Variants in CD36 observed in about 807,000 individuals in gnomAD.
CD36 encodes CD36 molecule (CD36 blood group).
Under a neutral mutation model 55.2 loss-of-function variants are expected in CD36, and 119 were observed. The observed-to-expected ratio is 2.15, with a 90% CI of 1.86 to 2.51. CD36 has a LOEUF of 2.51. Among genes scored for constraint, CD36 ranks in the 30% most tolerant of loss-of-function variants. The pLI is 0.00. For synonymous variants in CD36, 186 were observed against 193.6 expected (o/e 0.96, Z 0.33); for missense variants, 819 against 555.5 (o/e 1.47, Z -4.77).
At chr7:80,607,643 T>A (rs1792635007) in intron 1 of CD36, among the ~76,000 whole-genome samples, 1 of 152,164 alleles carries the variant, frequency 6.6e-6, no homozygotes, top group South Asian at 2.1e-4. Flanking sequence ...TCACCTGTAA[T>A]CTGAATGTTG....
chr7:80,647,430 T>C (rs911343865), intron 3 of CD36, among the ~76,000 whole-genome samples: 2 of 152,188 alleles, frequency 1.3e-5, no homozygotes, highest in African/African-American at 4.8e-5. Context: ...CATATTGGAA[T>C]CTTAGAAAAT....
intron 4 of CD36, among the ~76,000 whole-genome samples, chr7:80,659,488 A>T (rs1440871737): frequency 6.6e-6 from 1 of 152,178 alleles, no homozygotes; most frequent in East Asian, 1.9e-4. Flanking sequence ...AAAGAATATA[A>T]AAAGTAATCT....
chr7:80,664,082 T>C (rs1796788101), intron 6 of CD36, among the ~76,000 whole-genome samples: 1 of 152,090 alleles, frequency 6.6e-6, no homozygotes, highest in African/African-American at 2.4e-5. Flanking sequence ...TAGAAATCAT[T>C]GTTCTTATAG....
Position 80,661,277 on chromosome 7 carries a change from A to C in CD36, c.429+67A>C, listed in dbSNP as rs1002967684. 48 of 1,384,040 alleles carry C rather than the reference A, an allele frequency of 3.5e-5. No individual in the cohort carries two copies. In the Middle Eastern group the frequency reaches 5.4e-4, roughly 15 times the overall value. The allele number at this position is 1,384,040 out of a possible 1,614,324, so 85.7% of individuals were successfully genotyped here. ...TAGAACTCATGTAATTAATCCTATC[A>C]TTAGAATTATTAGGTTTTACTTGTT... is the stretch of plus-strand genomic sequence containing the variant. On this transcript the variant is annotated intron_variant, in intron 5 of 14. Transcript: ENST00000447544.
chr7:80,623,267 C>T (rs1239381707), intron 1 of CD36, among the ~76,000 whole-genome samples: 3 of 152,056 alleles, frequency 2.0e-5, no homozygotes, highest in Non-Finnish European at 2.9e-5. Context: ...ATACCAAACT[C>T]TCATATATAC....
rs1399929073 is a variant in CD36, at chr7:80,676,932, TATTC to T, written c.*553_*556del. The T allele has an allele frequency of 6.6e-6, 1 of 152,122 alleles. No homozygotes were observed. Among genetic ancestry groups the T allele is most frequent in the African/African-American group, 2.4e-5 (1 of 41,430 alleles). The allele number at this position is 152,122 out of a possible 1,614,324, so 9.4% of individuals were successfully genotyped here. A position where few individuals can be genotyped will look rare whatever the true frequency, so the allele number is the denominator to read the frequency against. Reference sequence around the variant, plus strand: ...TTACAAAGCGTAGACTATGCATTGTTATTCATTATAATATTTTTTGCTGTCATAA... The same window carrying T: ...TTACAAAGCGTAGACTATGCATTGTTATTATAATATTTTTTGCTGTCATAA... On this transcript the variant is annotated 3_prime_UTR_variant, in exon 15 of 15. Coordinates refer to ENST00000447544, the MANE Select transcript of CD36 (RefSeq NM_001001548.3).
At chr7:80,627,589 A>T (rs1323435649) in intron 1 of CD36, among the ~76,000 whole-genome samples, 1 of 151,974 alleles carries the variant, frequency 6.6e-6, no homozygotes, top group Non-Finnish European at 1.5e-5. Context: ...GCCTTTAAGG[A>T]GATAGTAGAT....
upstream of CD36, among the ~76,000 whole-genome samples, chr7:80,637,765 C>T (rs772420928): frequency 3.9e-5 from 6 of 152,026 alleles, no homozygotes; most frequent in Non-Finnish European, 5.9e-5. Flanking sequence ...ATCCAGCTCT[C>T]CTATCAAATA....
chr7:80,627,534 A>G (rs1024017664), intron 1 of CD36, among the ~76,000 whole-genome samples: 1 of 151,988 alleles, frequency 6.6e-6, no homozygotes, highest in African/African-American at 2.4e-5. Flanking sequence ...AGAACACTAA[A>G]CAACCCAAAG....
At chr7:80,610,033 G>A (rs1360731176) in intron 1 of CD36, among the ~76,000 whole-genome samples, 2 of 152,122 alleles carry the variant, frequency 1.3e-5, no homozygotes. Flanking sequence ...AGCCTTCCTT[G>A]GAAAACAAGG....
At chr7:80,614,609 C>T (rs757969565) in intron 1 of CD36, among the ~76,000 whole-genome samples, 14 of 152,010 alleles carry the variant, frequency 9.2e-5, no homozygotes, top group South Asian at 2.1e-4. Flanking sequence ...TTCTTCTTCG[C>T]GGCTCCATCT....
At chr7:80,613,030 T>C (rs748795853) in intron 1 of CD36, among the ~76,000 whole-genome samples, 2 of 152,116 alleles carry the variant, frequency 1.3e-5, no homozygotes, top group African/African-American at 2.4e-5. Flanking sequence ...ATGCTAATAA[T>C]CTACTTTGTA....
intron 4 of CD36, among the ~76,000 whole-genome samples, chr7:80,659,682 A>T (rs931588058): frequency 5.9e-5 from 9 of 152,234 alleles, no homozygotes; most frequent in South Asian, 4.2e-4. Flanking sequence ...TAATGTTGTC[A>T]GTACACTTTA....
At chr7:80,648,699 A>G (rs1484167817) in intron 3 of CD36, among the ~76,000 whole-genome samples, 3 of 152,102 alleles carry the variant, frequency 2.0e-5, no homozygotes, top group Admixed American at 2.0e-4. Context: ...CTAGAATTGA[A>G]TTGGAAAAGT....
intron 1 of CD36, among the ~76,000 whole-genome samples, chr7:80,602,600 G>C (rs186475776): frequency 6.6e-6 from 1 of 152,178 alleles, no homozygotes; most frequent in East Asian, 1.9e-4. Flanking sequence ...ATATCCACAA[G>C]TCTCTAAATT....
At chr7:80,628,689 A>G (rs1435904829) in intron 1 of CD36, among the ~76,000 whole-genome samples, 2 of 152,022 alleles carry the variant, frequency 1.3e-5, no homozygotes, top group East Asian at 3.9e-4. Flanking sequence ...GTGAACCCCA[A>G]ATACCTAAGA....
At chr7:80,634,802 T>C (rs76572476), upstream of CD36, among the ~76,000 whole-genome samples, 1 of 146,766 alleles carries the variant, frequency 6.8e-6, no homozygotes, top group African/African-American at 2.5e-5. Flanking sequence ...AGAAAGTTTA[T>C]TTTTTTTTTA....
intron 8 of CD36, among the ~76,000 whole-genome samples, chr7:80,667,181 A>G (rs1797170378): frequency 6.6e-6 from 1 of 152,286 alleles, no homozygotes; most frequent in South Asian, 2.1e-4. Flanking sequence ...TAATCCCAGC[A>G]CTTTGGGAGA....
At chr7:80,638,950 T>A (rs1013959618) in intron 1 of CD36, among the ~76,000 whole-genome samples, 1 of 151,988 alleles carries the variant, frequency 6.6e-6, no homozygotes, top group African/African-American at 2.4e-5. Context: ...CCTTCCTATA[T>A]TTTATGCTTA....
Sources: allele counts gnomAD v4.1 joint callset (sites outside exome capture counted in the v4.1 genomes callset), GRCh38; gene constraint gnomAD v4.1.1; transcripts MANE v1.5; gene names NCBI Gene and HGNC (gene_info 2026-07-23, HGNC 2026-07-21).